The following PRKCA variants were observed in gnomAD, a reference collection of about 807,000 sequenced individuals.
The protein encoded by PRKCA is protein kinase C alpha type.
PRKCA carries 27 observed loss-of-function variants against 87.0 expected under a neutral mutation model. The observed-to-expected ratio is 0.31, with a 90% CI of 0.23 to 0.43. PRKCA has a LOEUF of 0.43. Ranked by LOEUF, PRKCA falls within the 20% of genes least tolerant of loss-of-function variation. The probability of loss-of-function intolerance (pLI) is 1.00; values close to 1 mark genes in which losing one functional copy is unlikely to be tolerated. For missense variants in PRKCA, 518 were observed against 852.3 expected (o/e 0.61, Z 4.88); for synonymous variants, 329 against 311.1 (o/e 1.06, Z -0.61).
At chr17:66,595,868 A>G (rs1298369745) in intron 3 of PRKCA, among the ~76,000 whole-genome samples, 1 of 152,224 alleles carries the variant, frequency 6.6e-6, no homozygotes, top group African/African-American at 2.4e-5. Flanking sequence ...ACGTGCATCA[A>G]AAAGGTTAAA....
At chr17:66,482,245 A>G (rs1277227885) in intron 2 of PRKCA, among the ~76,000 whole-genome samples, 1 of 152,172 alleles carries the variant, frequency 6.6e-6, no homozygotes, top group Non-Finnish European at 1.5e-5. Context: ...TAATAAACAA[A>G]TATGTGCTAA....
intron 2 of PRKCA, among the ~76,000 whole-genome samples, chr17:66,404,669 T>A (rs4417582): frequency 6.6e-6 from 1 of 150,504 alleles, no homozygotes; most frequent in Admixed American, 6.6e-5. Context: ...TTATTCACCC[T>A]GAATCTTCTG....
intron 5 of PRKCA, among the ~76,000 whole-genome samples, chr17:66,651,316 C>G (rs967721997): frequency 9.2e-5 from 14 of 152,190 alleles, no homozygotes; most frequent in Admixed American, 5.9e-4. Context: ...CGCACAGGCT[C>G]TGAGTTAAAT....
At chr17:66,366,219 C>A (rs1040899145) in intron 2 of PRKCA, among the ~76,000 whole-genome samples, 9 of 151,990 alleles carry the variant, frequency 5.9e-5, no homozygotes, top group African/African-American at 2.2e-4. Context: ...GTGTTTTATT[C>A]ATGATGCAAT....
chr17:66,724,695 G>A (rs1448533913), intron 8 of PRKCA, among the ~76,000 whole-genome samples: 2 of 152,216 alleles, frequency 1.3e-5, no homozygotes, highest in African/African-American at 4.8e-5. Context: ...TTGTATTGCT[G>A]GAGTAAAGGA....
intron 2 of PRKCA, among the ~76,000 whole-genome samples, chr17:66,370,059 T>TA (rs1253989537): frequency 6.6e-6 from 1 of 152,168 alleles, no homozygotes; most frequent in Non-Finnish European, 1.5e-5. Flanking sequence ...ACAACAGTCA[T>TA]AAACCAGGAT....
chr17:66,711,405 T>C (rs955075161), intron 8 of PRKCA, among the ~76,000 whole-genome samples: 67 of 152,242 alleles, frequency 4.4e-4, no homozygotes, highest in African/African-American at 1.5e-3. Flanking sequence ...CTCACTCTTA[T>C]TTCATTTTTT....
At position 66,762,726 on chromosome 17, in the gene PRKCA, A is replaced by G. The variant is rs182487870; in HGVS notation, c.1525-11261A>G. 5.5e-3 allele frequency among the ~76,000 whole-genome samples: 835 copies of G among 152,044 alleles called. 20 individuals carry two copies. In the East Asian group the frequency reaches 0.062, roughly 11 times the overall value. ...GACCTTGCTGTTAACCAGCCCAATG[A>G]CCTCAGCAAGCCACTGTGCCACTTT... On this transcript the variant is annotated intron_variant, in intron 13 of 16. Coordinates refer to ENST00000413366, the MANE Select transcript of PRKCA (RefSeq NM_002737.3).
intron 13 of PRKCA, among the ~76,000 whole-genome samples, chr17:66,753,962 C>T (rs1351285362): frequency 1.3e-5 from 2 of 151,984 alleles, no homozygotes; most frequent in Non-Finnish European, 1.5e-5. Flanking sequence ...TCAAGCCAAC[C>T]AATACAGGAA....
Position 66,798,417 on chromosome 17 carries a change from T to TGGTGGTGGTGAC in PRKCA, c.1855-5446_1855-5445insACGGTGGTGGTG, listed in dbSNP as rs1568040771. Among the ~76,000 whole-genome samples, 25 of 106,986 alleles carry TGGTGGTGGTGAC rather than the reference T, an allele frequency of 2.3e-4. 1 individual carries two copies. The highest frequency in any genetic ancestry group is 5.4e-4 in the African/African-American group (15 of 27,742). The allele number at this position is 106,986 out of a possible 152,430, so 70.2% of individuals were successfully genotyped here. A position where few individuals can be genotyped will look rare whatever the true frequency, so the allele number is the denominator to read the frequency against. ...GTGGTGGTGGTGGTGATGGTGATGG[T>TGGTGGTGGTGAC]GGTGGTGGTGGTGGTGACGGTGGTG... is the stretch of plus-strand genomic sequence containing the variant. On this transcript the variant is annotated intron_variant, in intron 16 of 16. Coordinates refer to ENST00000413366, the MANE Select transcript of PRKCA (RefSeq NM_002737.3).
At chr17:66,783,166 G>A (rs140974544) in intron 14 of PRKCA, among the ~76,000 whole-genome samples, 201 of 152,268 alleles carry the variant, frequency 1.3e-3, no homozygotes, top group African/African-American at 4.6e-3. Context: ...CTCTGTCACG[G>A]GTGTTTGGTC....
chr17:66,489,352 C>CATGCATAT (rs1555610346), intron 2 of PRKCA, among the ~76,000 whole-genome samples: 5 of 98,954 alleles, frequency 5.1e-5, no homozygotes, highest in African/African-American at 1.9e-4. Context: ...CTTAGCAGTG[C>CATGCATAT]ATATATATAT....
rs1276225423 is a variant in PRKCA at position 66,792,901 on chromosome 17, G to A, written c.1854+3922G>A. Among the ~76,000 whole-genome samples the A allele has an allele frequency of 1.3e-5, 2 of 152,180 alleles. No homozygotes were observed. The highest frequency in any genetic ancestry group is 3.9e-4 in the East Asian group (2 of 5,180). On this transcript the variant is annotated intron_variant, in intron 16 of 16. Transcript: ENST00000413366. This position sits in a 1 kb window ranked among gnomAD's most constrained non-coding sequence, Gnocchi z 4.5. ...TGTGAGGGAAGAACCTGCCCCTGTG[G>A]CAGTCAACAGTGGGAGAGTCCTGTC...
chr17:66,775,512 CCAG>C (rs1396126585), intron 14 of PRKCA: 7 of 985,176 alleles, frequency 7.1e-6, no homozygotes, highest in Non-Finnish European at 8.4e-6. Context: ...TGGTAATCAC[CCAG>C]CAGATCTCTG....
intron 4 of PRKCA, among the ~76,000 whole-genome samples, chr17:66,642,696 C>T (rs1971334405): frequency 6.6e-6 from 1 of 152,142 alleles, no homozygotes; most frequent in Non-Finnish European, 1.5e-5. Context: ...TTTCTCAGGA[C>T]ACAGGGATTC....
At chr17:66,342,081 T>C (rs1359125782) in intron 2 of PRKCA, among the ~76,000 whole-genome samples, 8 of 152,136 alleles carry the variant, frequency 5.3e-5, no homozygotes, top group Non-Finnish European at 8.8e-5. Flanking sequence ...AGCGACTAAG[T>C]CAGTTGTGGT....
At chr17:66,496,627 TCCCTC>T (rs1278629269) in intron 3 of PRKCA, among the ~76,000 whole-genome samples, 1 of 151,766 alleles carries the variant, frequency 6.6e-6, no homozygotes, top group Non-Finnish European at 1.5e-5. Context: ...TTATTTCCGT[TCCCTC>T]CCCTCCCCTC....
intron 9 of PRKCA, among the ~76,000 whole-genome samples, chr17:66,734,167 A>C (rs1973967710): frequency 6.6e-6 from 1 of 152,234 alleles, no homozygotes; most frequent in South Asian, 2.1e-4. Flanking sequence ...CCAGACCCCA[A>C]GAGGAGGGTT....
chr17:66,471,497 A>G (rs1290399500), intron 2 of PRKCA, among the ~76,000 whole-genome samples: 4 of 152,346 alleles, frequency 2.6e-5, no homozygotes, highest in African/African-American at 7.2e-5. Flanking sequence ...AGTGTGTTAT[A>G]GACAGTATAG....
Sources: allele counts gnomAD v4.1 joint callset (sites outside exome capture counted in the v4.1 genomes callset), GRCh38; gene constraint gnomAD v4.1.1; non-coding constraint Gnocchi (gnomAD v3.1); transcripts MANE v1.5; gene names NCBI Gene and HGNC (gene_info 2026-07-23, HGNC 2026-07-21).